The following KCND3 variants were observed in gnomAD, a reference collection of about 807,000 sequenced individuals.
The protein encoded by KCND3 is A-type voltage-gated potassium channel KCND3.
Under a neutral mutation model 51.1 loss-of-function variants are expected in KCND3, and 9 were observed. That is an observed-to-expected ratio of 0.18 (90% CI 0.11 to 0.31). The LOEUF (loss-of-function observed/expected upper bound fraction) is 0.31. KCND3 is among the 10% of genes least tolerant of loss of function. The pLI is 1.00. For synonymous variants in KCND3, 349 were observed against 368.0 expected, an observed-to-expected ratio of 0.95 and a Z score of 0.59; for missense variants, 526 against 903.8, an observed-to-expected ratio of 0.58 and a Z score of 5.36.
intron 2 of KCND3, among the ~76,000 whole-genome samples, chr1:111,890,018 A>AAG (rs1669757640): frequency 6.6e-6 from 1 of 152,182 alleles, no homozygotes; most frequent in South Asian, 2.1e-4. Flanking sequence ...GACTAGGAGC[A>AAG]AGAGTCGCAT....
intron 2 of KCND3, among the ~76,000 whole-genome samples, chr1:111,967,530 G>A (rs1047063894): frequency 2.0e-5 from 3 of 152,160 alleles, no homozygotes; most frequent in Non-Finnish European, 2.9e-5. Flanking sequence ...CCCTGTTCAC[G>A]CACCCTGGAG....
At chr1:111,856,423 C>T (rs761133825) in intron 2 of KCND3, among the ~76,000 whole-genome samples, 1 of 152,228 alleles carries the variant, frequency 6.6e-6, no homozygotes, top group Non-Finnish European at 1.5e-5. Flanking sequence ...AAGCTCTCTG[C>T]GTGCTGTGCA....
chr1:111,846,886 A>G (rs1241935293), intron 2 of KCND3, among the ~76,000 whole-genome samples: 2 of 152,192 alleles, frequency 1.3e-5, no homozygotes, highest in East Asian at 3.8e-4. Flanking sequence ...TTCTGGATTC[A>G]GGTTTGAACG....
At chr1:111,819,415 A>G (rs1666250264) in intron 2 of KCND3, among the ~76,000 whole-genome samples, 1 of 152,160 alleles carries the variant, frequency 6.6e-6, no homozygotes, top group Admixed American at 6.5e-5. Context: ...CAACCGGGAA[A>G]GAAAGCTCAT....
At chr1:111,882,788 G>A (rs577594791) in intron 2 of KCND3, among the ~76,000 whole-genome samples, 11 of 152,288 alleles carry the variant, frequency 7.2e-5, no homozygotes, top group Non-Finnish European at 1.5e-4. Flanking sequence ...CTGGGTGAGG[G>A]TGGTGGAAGA....
At chr1:111,915,474 C>CG (rs2101824908) in intron 2 of KCND3, among the ~76,000 whole-genome samples, 1 of 152,016 alleles carries the variant, frequency 6.6e-6, no homozygotes, top group South Asian at 2.1e-4. Flanking sequence ...AACTGGAGGC[C>CG]GGGTGCAGTG....
chr1:111,939,775 G>C (rs1040953001), intron 2 of KCND3, among the ~76,000 whole-genome samples: 1 of 152,114 alleles, frequency 6.6e-6, no homozygotes, highest in African/African-American at 2.4e-5. Flanking sequence ...GGTATTTCTG[G>C]TTCTAGATCC....
At chr1:111,966,046 C>G (rs1191629954) in intron 2 of KCND3, among the ~76,000 whole-genome samples, 3 of 152,110 alleles carry the variant, frequency 2.0e-5, no homozygotes, top group Non-Finnish European at 4.4e-5. Flanking sequence ...ACTCACCTGG[C>G]TCACCCCACC....
At chr1:111,977,431 T>A (rs1674694174) in intron 2 of KCND3, among the ~76,000 whole-genome samples, 1 of 152,178 alleles carries the variant, frequency 6.6e-6, no homozygotes, top group South Asian at 2.1e-4. Context: ...GCTTCCTGCT[T>A]GGAAGAAGTA....
chr1:111,953,951 A>C (rs762293486), intron 2 of KCND3, among the ~76,000 whole-genome samples: 1 of 152,036 alleles, frequency 6.6e-6, no homozygotes, highest in Non-Finnish European at 1.5e-5. Context: ...GCCGACCTCT[A>C]TGGACATCAT....
At chr1:111,800,425 G>A (rs1252826491) in intron 2 of KCND3, among the ~76,000 whole-genome samples, 4 of 112,996 alleles carry the variant, frequency 3.5e-5, no homozygotes, top group East Asian at 4.9e-4. Context: ...AGGGTCCTCT[G>A]CCTAGGAAAA....
chr1:111,850,315 T>TG (rs772466043), intron 2 of KCND3, among the ~76,000 whole-genome samples: 15 of 152,098 alleles, frequency 9.9e-5, no homozygotes, highest in Non-Finnish European at 4.4e-5. Flanking sequence ...CATCAGTGAC[T>TG]AAACAACCCG....
chr1:111,803,246 C>T (rs1665401636), intron 2 of KCND3, among the ~76,000 whole-genome samples: 1 of 152,114 alleles, frequency 6.6e-6, no homozygotes, highest in African/African-American at 2.4e-5. Context: ...CAGTGGAGGC[C>T]TCGTTTGCCT....
intron 2 of KCND3, among the ~76,000 whole-genome samples, chr1:111,969,578 G>T (rs946801989): frequency 6.6e-6 from 1 of 152,168 alleles, no homozygotes; most frequent in Non-Finnish European, 1.5e-5. Flanking sequence ...GCTCTCATAT[G>T]GTTATTGGGA....
At chr1:111,984,102 T>G (rs1358372767) in intron 1 of KCND3, among the ~76,000 whole-genome samples, 1 of 152,226 alleles carries the variant, frequency 6.6e-6, no homozygotes, top group Non-Finnish European at 1.5e-5. Context: ...ATTTGGGCCC[T>G]CTGGAATTCA....
intron 2 of KCND3, among the ~76,000 whole-genome samples, chr1:111,912,581 A>G (rs570625894): frequency 1.1e-4 from 17 of 152,376 alleles, no homozygotes; most frequent in African/African-American, 3.8e-4. Flanking sequence ...AGGCATTGTT[A>G]TCATGGAGGA....
intron 2 of KCND3, among the ~76,000 whole-genome samples, chr1:111,821,523 G>A (rs1051013942): frequency 4.6e-5 from 7 of 152,170 alleles, no homozygotes; most frequent in South Asian, 2.1e-4. Flanking sequence ...CTGGTTTCCC[G>A]CCTGCTCAGG....
chr1:111,775,977 T>C lies in KCND3; in HGVS notation c.*100A>G. 2 of 1,308,452 alleles carry C rather than the reference T, an allele frequency of 1.5e-6. No homozygotes were observed. Among genetic ancestry groups the C allele is most frequent in the Non-Finnish European group, 2.2e-6 (2 of 907,564 alleles). The allele number at this position is 1,308,452 out of a possible 1,614,324, so 81.1% of individuals were successfully genotyped here. On this transcript the variant is annotated 3_prime_UTR_variant, in exon 8 of 8. Transcript: ENST00000302127. ...AGGGGTACAATGGGGCAGGCAGAAA[T>C]AGTGGGGAAAGGGGGGAGGGAGTGG...
At chr1:111,904,579 G>A (rs764844023) in intron 2 of KCND3, among the ~76,000 whole-genome samples, 3 of 152,132 alleles carry the variant, frequency 2.0e-5, no homozygotes, top group Non-Finnish European at 4.4e-5. Flanking sequence ...TTTCAAAGCT[G>A]TCCACTGGGA....
Sources: gnomAD v4.1 joint callset for allele counts (sites outside exome capture counted in the v4.1 genomes callset) on GRCh38, gnomAD v4.1.1 for gene constraint, MANE v1.5 for transcripts, NCBI Gene and HGNC (gene_info 2026-07-23, HGNC 2026-07-21) for gene names.